Variants in TMEM191C observed in about 807,000 individuals in gnomAD.
TMEM191C encodes the protein transmembrane protein 191C.
In TMEM191C, 26 loss-of-function variants were observed where a neutral mutation model predicts 37.1. The observed-to-expected ratio is 0.70, with a 90% CI of 0.51 to 0.97. The LOEUF (loss-of-function observed/expected upper bound fraction) is 0.97, where lower values mean the gene tolerates loss of function less well. Ranked by LOEUF, TMEM191C falls within the 50% of genes least tolerant of loss-of-function variation. The pLI is 0.00. For synonymous variants in TMEM191C, 115 were observed against 143.7 expected, an observed-to-expected ratio of 0.80 and a Z score of 1.43; for missense variants, 240 against 294.7, an observed-to-expected ratio of 0.81 and a Z score of 1.36.
At position 21,467,591 on chromosome 22, in the gene TMEM191C, G is replaced by A. The variant is rs1193534462; in HGVS notation, c.132G>A (p.Gln44=). The A allele has an allele frequency of 6.5e-7, 1 of 1,530,192 alleles. No individual in the cohort carries two copies. Among genetic ancestry groups the A allele is most frequent in the African/African-American group, 1.4e-5 (1 of 72,472 alleles). 94.8% of individuals were successfully genotyped at this position (1,530,192 alleles called of 1,614,324 possible). A position where few individuals can be genotyped will look rare whatever the true frequency, so the allele number is the denominator to read the frequency against. ...GCGAGAGCCTCAACCAGCGCCTGCA[G>A]GACCTGAGCGAGCGGGAGCGGAGGT... ...AESESLNQRL[Q]DLSERERSLL... The change falls in exon 1 of 10, where the codon CAG becomes CAA. Residue 44 remains glutamine, a synonymous_variant. Coordinates refer to ENST00000536718, the MANE Select transcript of TMEM191C (RefSeq NM_001388354.1).
Position 21,467,566 on chromosome 22 carries a change from G to A in TMEM191C, c.107G>A (p.Ser36Asn), listed in dbSNP as rs1288050737. 3 of 1,527,956 alleles carry A rather than the reference G, an allele frequency of 2.0e-6. No individual in the cohort carries two copies. Among genetic ancestry groups the A allele is most frequent in the Non-Finnish European group, 2.6e-6 (3 of 1,144,134 alleles). 94.6% of individuals were successfully genotyped at this position (1,527,956 alleles called of 1,614,324 possible). A position where few individuals can be genotyped will look rare whatever the true frequency, so the allele number is the denominator to read the frequency against. Residue 36 changes from serine to asparagine, a missense_variant, in exon 1 of 10, where the codon AGC becomes AAC. Physicochemically the swap from Ser to Asn is conservative, Grantham distance 46. This residue lies in a region of TMEM191C where 130 missense variants were observed against 105.7 expected (regional missense o/e 1.23). Coordinates refer to ENST00000536718, the MANE Select transcript of TMEM191C (RefSeq NM_001388354.1). ...CTGATGCGCGGGCTCGAGGCCGAGA[G>A]CGAGAGCCTCAACCAGCGCCTGCAG... ...EKLMRGLEAE[S>N]ESLNQRLQDL... is the part of the protein sequence containing the mutation.
Position 21,469,931 on chromosome 22 carries a change from A to C in TMEM191C, c.*110A>C. 1.5e-6 allele frequency: 2 copies of C among 1,357,450 alleles called. No homozygotes were observed. The highest frequency in any genetic ancestry group is 1.9e-6 in the Non-Finnish European group (2 of 1,048,606). The allele number at this position is 1,357,450 out of a possible 1,614,324, so 84.1% of individuals were successfully genotyped here. A position where few individuals can be genotyped will look rare whatever the true frequency, so the allele number is the denominator to read the frequency against. Reference sequence around the variant, plus strand: ...CAAGGTTGCCTAATAAACTCAAGGGATGAAGCTCGTGGGTTCGTCGTCTGT... The same window carrying C: ...CAAGGTTGCCTAATAAACTCAAGGGCTGAAGCTCGTGGGTTCGTCGTCTGT... On this transcript the variant is annotated 3_prime_UTR_variant, in exon 10 of 10. Transcript: ENST00000536718.
Position 21,469,753 on chromosome 22 carries a change from C to A in TMEM191C, c.841C>A (p.Leu281Met), listed in dbSNP as rs772749396. 6.5e-7 allele frequency: 1 copy of A among 1,530,892 alleles called. No individual in the cohort carries two copies. Among genetic ancestry groups the A allele is most frequent in the African/African-American group, 1.4e-5 (1 of 72,264 alleles). 94.8% of individuals were successfully genotyped at this position (1,530,892 alleles called of 1,614,324 possible). Residue 281 changes from leucine (L) to methionine (M), a missense_variant, in exon 10 of 10, where the codon CTG (leucine) becomes ATG (methionine). By Grantham distance (15) the Leu-to-Met change is conservative (BLOSUM62 2). Coordinates refer to ENST00000536718, the MANE Select transcript of TMEM191C (RefSeq NM_001388354.1). Reference sequence around the variant, plus strand: ...CTGGAGCCTCACCTCGGAGACGACGCTGCGCCGCCTGCGCTACACGCTGTC... The same window carrying A: ...CTGGAGCCTCACCTCGGAGACGACGATGCGCCGCCTGCGCTACACGCTGTC... ...WLWSLTSETT[L>M]RRLRYTLSPL...
Position 21,468,203 on chromosome 22 carries a change from G to C in TMEM191C, c.330+1G>C. On this transcript the variant is annotated splice_donor_variant, in intron 3 of 9. Transcript: ENST00000536718. LOFTEE classifies it high-confidence loss of function. ...GCAGTGGGAGGAGCTGTCGAGTCAGGTACGTGCAGGAGATGGGAGGGCCTG... is the reference window on the plus strand; with the variant it reads ...GCAGTGGGAGGAGCTGTCGAGTCAGCTACGTGCAGGAGATGGGAGGGCCTG... 6.5e-7 allele frequency: 1 copy of C among 1,526,962 alleles called. No individual in the cohort carries two copies. Among genetic ancestry groups the C allele is most frequent in the Non-Finnish European group, 8.7e-7 (1 of 1,144,136 alleles). The allele number at this position is 1,526,962 out of a possible 1,614,324, so 94.6% of individuals were successfully genotyped here.
chr22:21,468,504 G>A, intron 4 of TMEM191C, 73 bp downstream of exon 4: 1 of 981,484 alleles, frequency 1.0e-6, no homozygotes, highest in Non-Finnish European at 1.4e-6. Context: ...ACCACCTGGG[G>A]GTGTGGCTTA....
rs966952039 is a variant in TMEM191C, at chr22:21,469,897, A to C, written c.*76A>C. The C allele has an allele frequency of 4.9e-6, 7 of 1,433,890 alleles. No individual in the cohort carries two copies. Among genetic ancestry groups the C allele is most frequent in the Admixed American group, 2.8e-5 (1 of 35,422 alleles). 88.8% of individuals were successfully genotyped at this position (1,433,890 alleles called of 1,614,324 possible). A position where few individuals can be genotyped will look rare whatever the true frequency, so the allele number is the denominator to read the frequency against. On this transcript the variant is annotated 3_prime_UTR_variant, in exon 10 of 10. Transcript: ENST00000536718. Reference sequence around the variant, plus strand: ...ATTTCTGGTGCACTCCTCTCCTGAGAGTGTAGACCAAGGTTGCCTAATAAA... The same window carrying C: ...ATTTCTGGTGCACTCCTCTCCTGAGCGTGTAGACCAAGGTTGCCTAATAAA...
In TMEM191C at chr22:21,469,255, T is replaced by A. The variant is rs1924649429; in HGVS notation, c.591-19T>A. ...TGTGGGGCCGGGATGGGCTCCCACC[T>A]GCATGCCTGTCCCCGCAGGTGTGAC... On this transcript the variant is annotated intron_variant, in intron 7 of 9. Coordinates refer to ENST00000536718, the MANE Select transcript of TMEM191C (RefSeq NM_001388354.1). 1.0e-5 allele frequency: 15 copies of A among 1,494,082 alleles called. No individual in the cohort carries two copies. The highest frequency in any genetic ancestry group is 1.3e-5 in the Non-Finnish European group (15 of 1,128,322). The allele number at this position is 1,494,082 out of a possible 1,614,324, so 92.6% of individuals were successfully genotyped here.
chr22:21,467,816 G>C, intron 1 of TMEM191C, 78 bp from the exon 2 acceptor site: 1 of 502,424 alleles, frequency 2.0e-6, no homozygotes, highest in Non-Finnish European at 3.4e-6. Flanking sequence ...TGAGCCTGCG[G>C]CTGGTCCTTC....
In TMEM191C at chr22:21,469,633, G is replaced by T. The variant is rs1174645153; in HGVS notation, c.721G>T (p.Ala241Ser). The change falls in exon 10 of 10, where the codon GCG becomes TCG. Residue 241 changes from alanine to serine, a missense_variant. By Grantham distance (99) the Ala-to-Ser change is moderately conservative. Transcript: ENST00000536718. ...GCCCCGCAGGCGGTGCGTGCTGGGCGCGCTGCAGGTGCTGCTGACGCTGCC... is the reference window on the plus strand; with the variant it reads ...GCCCCGCAGGCGGTGCGTGCTGGGCTCGCTGCAGGTGCTGCTGACGCTGCC... ...ALAIRRCVLG[A>S]LQVLLTLPLL... 1 of 1,484,122 alleles carries T rather than the reference G, an allele frequency of 6.7e-7. No individual in the cohort carries two copies. Among genetic ancestry groups the T allele is most frequent in the Non-Finnish European group, 8.9e-7 (1 of 1,126,176 alleles). 91.9% of individuals were successfully genotyped at this position (1,484,122 alleles called of 1,614,324 possible).
In TMEM191C at chr22:21,468,686, TGGGGGC is replaced by T. The variant is rs1375326009; in HGVS notation, c.409-89_409-84del. 2.1e-5 allele frequency: 17 copies of T among 818,000 alleles called. No individual in the cohort carries two copies. The Middle Eastern group carries it at 1.7e-3, about 84-fold the overall frequency. The allele number at this position is 818,000 out of a possible 1,614,324, so 50.7% of individuals were successfully genotyped here. A position where few individuals can be genotyped will look rare whatever the true frequency, so the allele number is the denominator to read the frequency against. ...GGACGCGGGCGGGGTCATGATCGCC[TGGGGGC>T]GGGCACTGAGGGCCGGGGGCGGGGC... is the stretch of plus-strand genomic sequence containing the variant. On this transcript the variant is annotated intron_variant, in intron 4 of 9. Transcript: ENST00000536718.
chr22:21,468,234 T>C, intron 3 of TMEM191C, 32 bp downstream of exon 3: 1 of 1,531,730 alleles, frequency 6.5e-7, no homozygotes. Context: ...GCCTGTCTCT[T>C]GGTTCCTCTC....
Position 21,468,451 on chromosome 22 carries a change from A to T in TMEM191C, c.408+20A>T, listed in dbSNP as rs1403004550. The T allele has an allele frequency of 2.1e-6, 3 of 1,433,948 alleles. No homozygotes were observed. The South Asian group carries it at 3.7e-5, about 18-fold the overall frequency. The allele number at this position is 1,433,948 out of a possible 1,614,324, so 88.8% of individuals were successfully genotyped here. On this transcript the variant is annotated intron_variant, in intron 4 of 9. Transcript: ENST00000536718. ...CTGCAGGTGCTTGAGCGGGACCCTG[A>T]GGTGTTTAGTAGGGGCGGAGCAGCA...
rs1924625300 is a variant in TMEM191C, at chr22:21,468,647, A to G, written c.409-132A>G. On this transcript the variant is annotated intron_variant, in intron 4 of 9. Coordinates refer to ENST00000536718, the MANE Select transcript of TMEM191C (RefSeq NM_001388354.1). ...GCCATGACCAGCTGGGGCGTTGCTT[A>G]CGACTGGTCCTGAGGACGCGGGCGG... 12 of 1,392,238 alleles carry G rather than the reference A, an allele frequency of 8.6e-6. No homozygotes were observed. In the South Asian group the frequency reaches 1.4e-4, roughly 16 times the overall value. The allele number at this position is 1,392,238 out of a possible 1,614,324, so 86.2% of individuals were successfully genotyped here. A position where few individuals can be genotyped will look rare whatever the true frequency, so the allele number is the denominator to read the frequency against.
At position 21,468,365 on chromosome 22, in the gene TMEM191C, C is replaced by A; in HGVS notation, c.342C>A (p.Tyr114Ter). 1 of 1,535,300 alleles carries A rather than the reference C, an allele frequency of 6.5e-7. No individual in the cohort carries two copies. Among genetic ancestry groups the A allele is most frequent in the Non-Finnish European group, 8.7e-7 (1 of 1,146,698 alleles). The stretch of plus-strand genomic sequence containing the variant: ...AGCCCCGCCCCTAGCTCTTCTACTA[C>A]GGAGGGGAACTGCAGAGCCAGAAGA... ...WEELSSQLFY[Y>*]GGELQSQKST... Residue 114 changes from tyrosine to a stop codon, truncating the protein, a stop_gained, in exon 4 of 10, where the codon TAC (tyrosine) becomes TAA (stop). Transcript: ENST00000536718. LOFTEE classifies it high-confidence loss of function.
At position 21,469,779 on chromosome 22, in the gene TMEM191C, C is replaced by T. The variant is rs761135296; in HGVS notation, c.867C>T (p.Ser289=). 5 of 1,532,044 alleles carry T rather than the reference C, an allele frequency of 3.3e-6. No homozygotes were observed. The highest frequency in any genetic ancestry group is 3.9e-5 in the Admixed American group (2 of 50,890). The allele number at this position is 1,532,044 out of a possible 1,614,324, so 94.9% of individuals were successfully genotyped here. Residue 289 remains serine, a synonymous_variant, in exon 10 of 10, where the codon TCC becomes TCT. Transcript: ENST00000536718. ...TGCGCCGCCTGCGCTACACGCTGTC[C>T]CCGCTGCTGGAGCTGCGCGCTAACG... ...TTLRRLRYTL[S]PLLELRANGL... is the part of the protein sequence containing the mutation.
rs1240414196 is a variant in TMEM191C at position 21,467,565 on chromosome 22, A to G, written c.106A>G (p.Ser36Gly). The G allele has an allele frequency of 2.6e-6, 4 of 1,526,802 alleles. No homozygotes were observed. The highest frequency in any genetic ancestry group is 2.8e-5 in the African/African-American group (2 of 72,028). The allele number at this position is 1,526,802 out of a possible 1,614,324, so 94.6% of individuals were successfully genotyped here. A position where few individuals can be genotyped will look rare whatever the true frequency, so the allele number is the denominator to read the frequency against. The part of the protein sequence containing the change: ...EKLMRGLEAE[S>G]ESLNQRLQDL... ...GCTGATGCGCGGGCTCGAGGCCGAG[A>G]GCGAGAGCCTCAACCAGCGCCTGCA... is the stretch of plus-strand genomic sequence containing the variant. Residue 36 changes from serine (S) to glycine (G), a missense_variant, in exon 1 of 10, where the codon AGC becomes GGC. Physicochemically the swap from Ser to Gly is moderately conservative, Grantham distance 56. This residue lies in a region of TMEM191C where 130 missense variants were observed against 105.7 expected (regional missense o/e 1.23). Transcript: ENST00000536718.
rs1182787300 is a variant in TMEM191C at position 21,469,830 on chromosome 22, C to T, written c.*9C>T. 47 of 1,531,186 alleles carry T rather than the reference C, an allele frequency of 3.1e-5. No homozygotes were observed. The Admixed American group carries it at 7.1e-4, about 23-fold the overall frequency. 94.8% of individuals were successfully genotyped at this position (1,531,186 alleles called of 1,614,324 possible). A position where few individuals can be genotyped will look rare whatever the true frequency, so the allele number is the denominator to read the frequency against. ...GGCTTCTGCCAACCTAAGTGCAGCG[C>T]CCCGCGCCTGGCTCCAGGTGGACTC... On this transcript the variant is annotated 3_prime_UTR_variant, in exon 10 of 10. Transcript: ENST00000536718.
rs1208352203 is a variant in TMEM191C at position 21,467,946 on chromosome 22, G to A, written c.208G>A (p.Glu70Lys). Reference sequence around the variant, plus strand: ...GCAGCCTCTGCAAGGGGAGGCGCGCGAGGCGGCGCGGGAGCGCGCGGAGCG... The same window carrying A: ...GCAGCCTCTGCAAGGGGAGGCGCGCAAGGCGGCGCGGGAGCGCGCGGAGCG... ...AAQPLQGEAR[E>K]AARERAERVR... The change falls in exon 2 of 10, where the codon GAG (glutamate) becomes AAG (lysine). Residue 70 changes from glutamate (E) to lysine (K), a missense_variant. Transcript: ENST00000536718. The A allele has an allele frequency of 1.7e-6, 1 of 585,304 alleles. No individual in the cohort carries two copies. The highest frequency in any genetic ancestry group is 2.9e-5 in the African/African-American group (1 of 34,440). The allele number at this position is 585,304 out of a possible 1,614,324, so 36.3% of individuals were successfully genotyped here. A position where few individuals can be genotyped will look rare whatever the true frequency, so the allele number is the denominator to read the frequency against.
rs1924661783 is a variant in TMEM191C at position 21,469,489 on chromosome 22, C to T, written c.664-5C>T. 3.0e-6 allele frequency: 4 copies of T among 1,351,724 alleles called. No homozygotes were observed. The highest frequency in any genetic ancestry group is 3.8e-6 in the Non-Finnish European group (4 of 1,057,942). 83.7% of individuals were successfully genotyped at this position (1,351,724 alleles called of 1,614,324 possible). On this transcript the variant is annotated splice_polypyrimidine_tract_variant and splice_region_variant and intron_variant, in intron 8 of 9. Coordinates refer to ENST00000536718, the MANE Select transcript of TMEM191C (RefSeq NM_001388354.1). The stretch of plus-strand genomic sequence containing the variant: ...GTAGCTGGATGCGGCCCTCTCTCCC[C>T]GCAGGAGACGCGGCTGTTCGGCGGC...
Sources: allele counts gnomAD v4.1 joint callset, GRCh38; gene constraint gnomAD v4.1.1; regional missense constraint gnomAD v4.1.1; transcripts MANE v1.5; gene names NCBI Gene and HGNC (gene_info 2026-07-23, HGNC 2026-07-21).